Variants in RBFOX1 observed in about 807,000 individuals in gnomAD.
The protein encoded by RBFOX1 is RNA binding protein fox-1 homolog 1.
Under a neutral mutation model 57.7 loss-of-function variants are expected in RBFOX1, and 8 were observed. The ratio of observed to expected loss-of-function variants is 0.14; its 90% CI spans 0.08 to 0.25. The LOEUF (loss-of-function observed/expected upper bound fraction) is 0.25. Among genes scored for constraint, RBFOX1 ranks in the 10% least tolerant of loss-of-function variants. RBFOX1 has a pLI of 1.00. For synonymous variants in RBFOX1, 326 were observed against 222.4 expected, an observed-to-expected ratio of 1.47 and a Z score of -4.15; for missense variants, 611 against 548.5, an observed-to-expected ratio of 1.11 and a Z score of -1.14.
chr16:6,717,646 C>G (rs562986636), intron 3 of RBFOX1, among the ~76,000 whole-genome samples: 1 of 151,618 alleles, frequency 6.6e-6, no homozygotes, highest in African/African-American at 2.4e-5. Flanking sequence ...GATCGACTCT[C>G]TGTCAGCTCA....
chr16:7,388,520 C>T (rs1427505488), intron 4 of RBFOX1, among the ~76,000 whole-genome samples: 2 of 152,046 alleles, frequency 1.3e-5, no homozygotes, highest in African/African-American at 2.4e-5. Flanking sequence ...CATCCCCTTC[C>T]CTGAGCTTAA....
chr16:5,355,889 G>A (rs1430669474), intron 1 of RBFOX1, among the ~76,000 whole-genome samples: 2 of 152,160 alleles, frequency 1.3e-5, no homozygotes, highest in Non-Finnish European at 1.5e-5. Flanking sequence ...CTAGGAGTTT[G>A]AGACCAGCCT....
intron 4 of RBFOX1, among the ~76,000 whole-genome samples, chr16:7,342,892 C>T (rs1463632172): frequency 2.6e-5 from 4 of 152,156 alleles, no homozygotes; most frequent in African/African-American, 9.7e-5. Context: ...CCATGTCATT[C>T]TCAGTAGAGT....
chr16:6,724,361 C>T (rs533887777), intron 3 of RBFOX1, among the ~76,000 whole-genome samples: 1 of 152,154 alleles, frequency 6.6e-6, no homozygotes, highest in African/African-American at 2.4e-5. Context: ...AGGTGCACTC[C>T]AGCATGCCCA....
intron 1 of RBFOX1, among the ~76,000 whole-genome samples, chr16:6,310,806 C>G (rs944103755): frequency 6.6e-6 from 1 of 151,446 alleles, no homozygotes; most frequent in African/African-American, 2.4e-5. Context: ...TAACTGGATT[C>G]TAAGAGTGGG....
chr16:7,006,566 C>T (rs538446890), intron 3 of RBFOX1, among the ~76,000 whole-genome samples: 53 of 152,090 alleles, frequency 3.5e-4, no homozygotes, highest in Non-Finnish European at 6.6e-4. Context: ...CCTCCCACCT[C>T]ACCTTCCTGA....
chr16:6,482,686 A>G (rs2095390648), intron 2 of RBFOX1, among the ~76,000 whole-genome samples: 1 of 152,200 alleles, frequency 6.6e-6, no homozygotes, highest in Non-Finnish European at 1.5e-5. Flanking sequence ...TCGCTCCTAA[A>G]TAAAGTGCAG....
chr16:6,967,147 C>T (rs1378691911), intron 3 of RBFOX1, among the ~76,000 whole-genome samples: 2 of 152,102 alleles, frequency 1.3e-5, no homozygotes, highest in Non-Finnish European at 2.9e-5. Flanking sequence ...TTCATCCATT[C>T]ATCATCTATC....
intron 4 of RBFOX1, among the ~76,000 whole-genome samples, chr16:7,200,146 T>C (rs142298088): frequency 6.2e-4 from 95 of 152,348 alleles, no homozygotes; most frequent in African/African-American, 2.3e-3. Flanking sequence ...TGTTCTGGGC[T>C]ACAAATTGGG....
intron 2 of RBFOX1, among the ~76,000 whole-genome samples, chr16:5,579,739 A>C (rs747173211): frequency 1.3e-5 from 2 of 150,396 alleles, no homozygotes; most frequent in Non-Finnish European, 2.9e-5. Flanking sequence ...GTCATTGCCC[A>C]GTTAATTCTT....
intron 14 of RBFOX1, among the ~76,000 whole-genome samples, chr16:7,685,407 G>T (rs568089035): frequency 3.3e-5 from 5 of 152,184 alleles, no homozygotes; most frequent in African/African-American, 9.6e-5. Flanking sequence ...ATCCGTGGAC[G>T]GAAACAGTTA....
chr16:7,393,072 C>T (rs937903517), intron 4 of RBFOX1, among the ~76,000 whole-genome samples: 4 of 152,132 alleles, frequency 2.6e-5, no homozygotes, highest in Non-Finnish European at 4.4e-5. Flanking sequence ...CAGGGTTTCA[C>T]CATGTTGGCC....
At chr16:6,062,502 C>T (rs2095700658) in intron 1 of RBFOX1, among the ~76,000 whole-genome samples, 2 of 151,398 alleles carry the variant, frequency 1.3e-5, no homozygotes, top group African/African-American at 2.4e-5. Flanking sequence ...GTTCAGCAAC[C>T]ACATACATAT....
intron 4 of RBFOX1, among the ~76,000 whole-genome samples, chr16:7,298,472 G>T (rs958283375): frequency 6.6e-6 from 1 of 151,648 alleles, no homozygotes; most frequent in Non-Finnish European, 1.5e-5. Flanking sequence ...TTGTATATTT[G>T]GTTGAGAGAG....
At chr16:6,694,541 T>A (rs2060730385) in intron 3 of RBFOX1, among the ~76,000 whole-genome samples, 1 of 152,206 alleles carries the variant, frequency 6.6e-6, no homozygotes, top group Non-Finnish European at 1.5e-5. Flanking sequence ...TGAAGTTGTT[T>A]CTTTACACAT....
At chr16:6,093,915 C>T (rs992759479) in intron 1 of RBFOX1, among the ~76,000 whole-genome samples, 64 of 152,144 alleles carry the variant, frequency 4.2e-4, no homozygotes, top group Admixed American at 1.3e-4. Context: ...CCCCTGTGCC[C>T]TGCCTGTATA....
At chr16:5,779,052 T>G (rs370715724) in intron 3 of RBFOX1, among the ~76,000 whole-genome samples, 1 of 152,144 alleles carries the variant, frequency 6.6e-6, no homozygotes, top group Non-Finnish European at 1.5e-5. Context: ...ACTAGAAAAA[T>G]CTAGCCTCCA....
chr16:7,411,861 C>T lies in RBFOX1; in HGVS notation c.28-106286C>T, dbSNP rs529604831. On this transcript the variant is annotated intron_variant, in intron 4 of 15. Coordinates refer to ENST00000550418, the MANE Select transcript of RBFOX1 (RefSeq NM_018723.4). Reference sequence around the variant, plus strand: ...GTGGTTGTGGTGAGCCAAGATCATGCCATTGCATTCCAGCCTGGACAACAA... The same window carrying T: ...GTGGTTGTGGTGAGCCAAGATCATGTCATTGCATTCCAGCCTGGACAACAA... Among the ~76,000 whole-genome samples, 68 of 147,556 alleles carry T rather than the reference C, an allele frequency of 4.6e-4. 1 individual carries two copies. The highest frequency in any genetic ancestry group is 1.4e-3 in the African/African-American group (55 of 39,500).
intron 4 of RBFOX1, among the ~76,000 whole-genome samples, chr16:7,134,839 C>T (rs1258272266): frequency 1.3e-5 from 2 of 152,034 alleles, no homozygotes; most frequent in Non-Finnish European, 2.9e-5. Flanking sequence ...GTGATGGTTA[C>T]AGTTTTAATG....
Sources: gnomAD v4.1 joint callset for allele counts (sites outside exome capture counted in the v4.1 genomes callset) on GRCh38, gnomAD v4.1.1 for gene constraint, MANE v1.5 for transcripts, NCBI Gene and HGNC (gene_info 2026-07-23, HGNC 2026-07-21) for gene names.